Variants in SAMD4A observed in about 807,000 individuals in gnomAD.
SAMD4A encodes the protein sterile alpha motif domain containing 4A, also known as protein Smaug homolog 1.
Under a neutral mutation model 81.3 loss-of-function variants are expected in SAMD4A, and 33 were observed. The observed-to-expected ratio is 0.41, with a 90% CI of 0.31 to 0.54. SAMD4A has a LOEUF of 0.54. SAMD4A is among the 20% of genes least tolerant of loss of function. The probability of loss-of-function intolerance (pLI) is 0.37; values close to 1 mark genes in which losing one functional copy is unlikely to be tolerated. For synonymous variants in SAMD4A, 389 were observed against 382.1 expected, an observed-to-expected ratio of 1.02 and a Z score of -0.21; for missense variants, 854 against 951.1, an observed-to-expected ratio of 0.90 and a Z score of 1.34.
chr14:54,581,621 T>C (rs2033471547), intron 2 of SAMD4A, among the ~76,000 whole-genome samples: 1 of 152,242 alleles, frequency 6.6e-6, no homozygotes, highest in East Asian at 1.9e-4. Context: ...GAAAGCCACA[T>C]AAAGTGTTGT....
intron 2 of SAMD4A, among the ~76,000 whole-genome samples, chr14:54,686,964 A>G (rs1594811189): frequency 6.6e-6 from 1 of 152,188 alleles, no homozygotes; most frequent in Non-Finnish European, 1.5e-5. Flanking sequence ...CAGTTCTTCC[A>G]ATCTTTGTGC....
chr14:54,785,304 G>T (rs1051348305), intron 12 of SAMD4A, among the ~76,000 whole-genome samples: 4 of 152,242 alleles, frequency 2.6e-5, no homozygotes, highest in African/African-American at 7.2e-5. Flanking sequence ...GTGCTCCCCC[G>T]TGTGTTTGGC....
In SAMD4A at chr14:54,589,051, G is replaced by A. The variant is rs529186138; in HGVS notation, c.196+20939G>A. Among the ~76,000 whole-genome samples the A allele has an allele frequency of 3.3e-5, 5 of 152,206 alleles. No individual in the cohort carries two copies. The East Asian group carries it at 9.6e-4, about 29-fold the overall frequency. On this transcript the variant is annotated intron_variant, in intron 2 of 12. Coordinates refer to ENST00000554335, the MANE Select transcript of SAMD4A (RefSeq NM_015589.6). ...ATATATTAAGAATTATAACATTTTC[G>A]TACTTGCATTGTCTGTTTAAACAGT...
At chr14:54,717,584 T>C (rs189005247) in intron 3 of SAMD4A, among the ~76,000 whole-genome samples, 9 of 152,240 alleles carry the variant, frequency 5.9e-5, no homozygotes, top group Admixed American at 2.0e-4. Context: ...CATCTCTGGG[T>C]AAAAATGACC....
At chr14:54,706,569 T>A (rs1594838686) in intron 3 of SAMD4A, among the ~76,000 whole-genome samples, 1 of 141,822 alleles carries the variant, frequency 7.1e-6, no homozygotes, top group South Asian at 2.2e-4. Context: ...GGTGCCACTG[T>A]ACTCCAGCCT....
rs2039233990 is a variant in SAMD4A, at chr14:54,790,102, C to G, written c.*1158C>G. On this transcript the variant is annotated 3_prime_UTR_variant, in exon 13 of 13. Coordinates refer to ENST00000554335, the MANE Select transcript of SAMD4A (RefSeq NM_015589.6). ...TTTTCCCCTTGTGAGAGGTTTGATA[C>G]CCAGAAAATGAGCTCAAAACCTTTA... 6.6e-6 allele frequency: 1 copy of G among 152,104 alleles called. No individual in the cohort carries two copies. Among genetic ancestry groups the G allele is most frequent in the African/African-American group, 2.4e-5 (1 of 41,384 alleles). The allele number at this position is 152,104 out of a possible 1,614,324, so 9.4% of individuals were successfully genotyped here.
chr14:54,566,935 G>A (rs1004158620), upstream of SAMD4A, among the ~76,000 whole-genome samples: 2 of 152,166 alleles, frequency 1.3e-5, no homozygotes, highest in African/African-American at 4.8e-5. Context: ...CTGCTGCCGC[G>A]GCTGCTCACG....
chr14:54,736,711 C>T (rs576315789), intron 3 of SAMD4A, among the ~76,000 whole-genome samples: 12 of 152,320 alleles, frequency 7.9e-5, no homozygotes, highest in African/African-American at 1.4e-4. Context: ...TTACGGACCC[C>T]GTCCTATGAA....
intron 2 of SAMD4A, among the ~76,000 whole-genome samples, chr14:54,630,955 T>TGTGTGA (rs1566557252): frequency 1.3e-4 from 17 of 133,776 alleles, no homozygotes; most frequent in African/African-American, 4.4e-4. Context: ...TGTGTGTGTG[T>TGTGTGA]GATGAGAAAT....
chr14:54,757,283 C>T (rs767375220), intron 6 of SAMD4A, among the ~76,000 whole-genome samples: 8 of 151,856 alleles, frequency 5.3e-5, no homozygotes, highest in Non-Finnish European at 7.4e-5. Flanking sequence ...GAGACAATGG[C>T]TTGATGTCTA....
At chr14:54,647,547 A>G (rs1299227006) in intron 2 of SAMD4A, among the ~76,000 whole-genome samples, 2 of 152,222 alleles carry the variant, frequency 1.3e-5, no homozygotes, top group Non-Finnish European at 1.5e-5. Context: ...AATAGTCAAC[A>G]TGTTAAGTAC....
chr14:54,663,604 CAG>C (rs1329800169), intron 2 of SAMD4A, among the ~76,000 whole-genome samples: 1 of 152,254 alleles, frequency 6.6e-6, no homozygotes, highest in African/African-American at 2.4e-5. Flanking sequence ...ATCCAATAGT[CAG>C]TGAGACAAAA....
chr14:54,617,472 T>C (rs571471374), intron 2 of SAMD4A, among the ~76,000 whole-genome samples: 177 of 46,168 alleles, frequency 3.8e-3, no homozygotes, highest in African/African-American at 0.011. Flanking sequence ...AATCTTTCCC[T>C]TTTTTTTTCA....
intron 2 of SAMD4A, among the ~76,000 whole-genome samples, chr14:54,587,269 A>C (rs780172916): frequency 5.3e-5 from 8 of 152,188 alleles, no homozygotes; most frequent in Non-Finnish European, 1.2e-4. Flanking sequence ...ATCTGTGTAC[A>C]TTAATTTTGT....
intron 3 of SAMD4A, among the ~76,000 whole-genome samples, chr14:54,728,911 C>G (rs2037491594): frequency 6.6e-6 from 1 of 152,158 alleles, no homozygotes; most frequent in Non-Finnish European, 1.5e-5. Context: ...TCAGTGAGAG[C>G]CACTGTTCCA....
chr14:54,684,766 T>A (rs1325484590), intron 2 of SAMD4A, among the ~76,000 whole-genome samples: 1 of 152,242 alleles, frequency 6.6e-6, no homozygotes, highest in Non-Finnish European at 1.5e-5. Flanking sequence ...GGTGGTGGCA[T>A]CTTTTTATTC....
chr14:54,566,596 G>C (rs2032942217), upstream of SAMD4A, among the ~76,000 whole-genome samples: 1 of 151,694 alleles, frequency 6.6e-6, no homozygotes, highest in South Asian at 2.1e-4. Flanking sequence ...GGGCCGCCCC[G>C]CTGGCCGAAG....
chr14:54,726,325 A>G lies in SAMD4A; in HGVS notation c.716-10699A>G, dbSNP rs563599345. ...AGTCTTTAGGAATTCCTGCCCAGGT[A>G]TCATTTGGATTGGAACCCTGGTTCA... On this transcript the variant is annotated intron_variant, in intron 3 of 12. Coordinates refer to ENST00000554335, the MANE Select transcript of SAMD4A (RefSeq NM_015589.6). Among the ~76,000 whole-genome samples the G allele has an allele frequency of 5.9e-5, 9 of 152,256 alleles. No homozygotes were observed. In the East Asian group the frequency reaches 1.2e-3, roughly 20 times the overall value.
At chr14:54,570,213 C>T (rs1017560470) in intron 2 of SAMD4A, among the ~76,000 whole-genome samples, 1 of 152,088 alleles carries the variant, frequency 6.6e-6, no homozygotes, top group African/African-American at 2.4e-5. Flanking sequence ...CTTAGGAGGT[C>T]ATGTGATGAT....
Sources: gnomAD v4.1 joint callset for allele counts (sites outside exome capture counted in the v4.1 genomes callset) on GRCh38, gnomAD v4.1.1 for gene constraint, MANE v1.5 for transcripts, NCBI Gene and HGNC (gene_info 2026-07-23, HGNC 2026-07-21) for gene names.